PAK3: variants seen among roughly 807,000 people sequenced by gnomAD.
The protein encoded by PAK3 is p21 (RAC1) activated kinase 3, also known as serine/threonine-protein kinase PAK 3.
In PAK3, 4 loss-of-function variants were observed where a neutral mutation model predicts 41.0. That is an observed-to-expected ratio of 0.10 (90% CI 0.05 to 0.22). The LOEUF is 0.22. Among genes scored for constraint, PAK3 ranks in the 10% least tolerant of loss-of-function variants. The pLI is 1.00. For synonymous variants in PAK3, 146 were observed against 139.6 expected (o/e 1.05, Z -0.32); for missense variants, 205 against 409.9 (o/e 0.50, Z 4.32).
intron 1 of PAK3, among the ~76,000 whole-genome samples, chrX:111,023,575 A>T (rs772811606): frequency 4.5e-5 from 5 of 111,904 alleles, no homozygotes; most frequent in African/African-American, 1.6e-4. Context: ...CTTTTTAATG[A>T]TTGCCATTCT....
At chrX:111,183,929 C>A (rs913300009) in intron 11 of PAK3, among the ~76,000 whole-genome samples, 4 of 111,369 alleles carry the variant, frequency 3.6e-5, no homozygotes, top group Non-Finnish European at 7.5e-5. Flanking sequence ...GTTGAGAAAT[C>A]TGTTGGTTTA....
At chrX:110,992,208 G>C (rs1478305669) in intron 1 of PAK3, among the ~76,000 whole-genome samples, 2 of 111,003 alleles carry the variant, frequency 1.8e-5, no homozygotes, top group Non-Finnish European at 3.8e-5. Context: ...TGGGAGCAGA[G>C]AGAACAGGAA....
At chrX:111,095,187 A>G (rs1480426200), upstream of PAK3, among the ~76,000 whole-genome samples, 2 of 112,108 alleles carry the variant, frequency 1.8e-5, no homozygotes, top group African/African-American at 3.2e-5. Flanking sequence ...GGATATATTT[A>G]TCTTTATGAA....
intron 1 of PAK3, among the ~76,000 whole-genome samples, chrX:111,015,475 T>A (rs573891231): frequency 4.5e-5 from 5 of 111,559 alleles, no homozygotes; most frequent in African/African-American, 1.6e-4. Flanking sequence ...GATGTAAAAT[T>A]GCTGTATCAT....
At position 111,192,507 on chromosome X, in the gene PAK3, T is replaced by C. The variant is rs1206499470; in HGVS notation, c.881T>C (p.Val294Ala). 4 of 1,025,289 alleles carry C rather than the reference T, an allele frequency of 3.9e-6. No individual in the cohort carries two copies. Among genetic ancestry groups the C allele is most frequent in the Non-Finnish European group, 5.5e-6 (4 of 726,951 alleles). 84.5% of individuals were successfully genotyped at this position (1,025,289 alleles called of 1,213,427 possible). A position where few individuals can be genotyped will look rare whatever the true frequency, so the allele number is the denominator to read the frequency against. ...TCTTGTATTTTAATTGCCATTCAGG[T>C]GGCCATAAAGCAGATGAACCTTCAA... The part of the protein sequence containing the change: ...TALDIATGQE[V>A]AIKQMNLQQQ... The change falls in exon 13 of 18, where the codon GTG (valine) becomes GCG (alanine). Residue 294 changes from valine (V) to alanine (A), a missense_variant and splice_region_variant. Around this residue, in one of 5 missense-constraint regions of PAK3, gnomAD observed 42 missense variants for 152.7 expected, o/e 0.28. Transcript: ENST00000372007.
At chrX:111,047,738 A>G (rs1167435170) in intron 1 of PAK3, among the ~76,000 whole-genome samples, 2 of 111,551 alleles carry the variant, frequency 1.8e-5, no homozygotes, top group South Asian at 7.6e-4. Context: ...GGGGAATTTT[A>G]GAGCAGGGGA....
At chrX:111,090,136 T>A (rs1208873697) in intron 1 of PAK3, among the ~76,000 whole-genome samples, 1 of 110,864 alleles carries the variant, frequency 9.0e-6, no homozygotes, top group East Asian at 2.9e-4. Context: ...TCTCCCTCAA[T>A]CTCTCTTCAT....
At chrX:111,182,570 C>T (rs909560408) in intron 11 of PAK3, among the ~76,000 whole-genome samples, 1 of 110,579 alleles carries the variant, frequency 9.0e-6, no homozygotes, top group Non-Finnish European at 1.9e-5. Flanking sequence ...CAAAGGAAAA[C>T]GCCAGAACTC....
intron 6 of PAK3, among the ~76,000 whole-genome samples, chrX:111,146,799 T>C (rs1269536667): frequency 9.0e-6 from 1 of 111,706 alleles, no homozygotes; most frequent in Non-Finnish European, 1.9e-5. Flanking sequence ...TGTCTGTTTC[T>C]CTCTCCAAGT....
chrX:110,980,282 C>A (rs776546140), intron 1 of PAK3, among the ~76,000 whole-genome samples: 1 of 112,003 alleles, frequency 8.9e-6, no homozygotes, highest in East Asian at 2.8e-4. Flanking sequence ...GTTCCACCCA[C>A]ACTCAGAGGG....
chrX:111,116,916 A>G (rs1184187461), intron 4 of PAK3, among the ~76,000 whole-genome samples: 2 of 112,092 alleles, frequency 1.8e-5, no homozygotes, highest in African/African-American at 6.5e-5. Context: ...CCTGCCTAAC[A>G]AGTAGCTCAG....
chrX:111,131,326 G>A (rs777017058), intron 5 of PAK3, among the ~76,000 whole-genome samples: 45 of 111,450 alleles, frequency 4.0e-4, no homozygotes, highest in Non-Finnish European at 7.5e-4. Context: ...TATTTGGGCC[G>A]TCTTACTCAT....
At chrX:111,160,738 T>G (rs1373881191) in intron 8 of PAK3, among the ~76,000 whole-genome samples, 1 of 111,594 alleles carries the variant, frequency 9.0e-6, no homozygotes, top group Admixed American at 9.5e-5. Flanking sequence ...GTCCTTGTGA[T>G]AGTTTGCTGA....
At chrX:111,081,049 G>T (rs2092830384) in intron 1 of PAK3, among the ~76,000 whole-genome samples, 1 of 111,795 alleles carries the variant, frequency 8.9e-6, no homozygotes, top group Non-Finnish European at 1.9e-5. Flanking sequence ...CTCAGAAGCA[G>T]AAAGTAGAAT....
At chrX:110,951,747 C>G (rs941154606) in intron 1 of PAK3, among the ~76,000 whole-genome samples, 1 of 112,604 alleles carries the variant, frequency 8.9e-6, no homozygotes, top group African/African-American at 3.2e-5. Flanking sequence ...TCATTTCCAA[C>G]TAGAACTGTG....
At chrX:111,072,353 A>T in intron 1 of PAK3, among the ~76,000 whole-genome samples, 1 of 112,942 alleles carries the variant, frequency 8.9e-6, no homozygotes, top group Non-Finnish European at 1.9e-5. Flanking sequence ...CCGGTAATCA[A>T]TCACATCAAT....
intron 3 of PAK3, among the ~76,000 whole-genome samples, chrX:111,100,944 A>C (rs1054120512): frequency 9.8e-5 from 11 of 112,190 alleles, no homozygotes. Flanking sequence ...TAGGCACACA[A>C]TGCCCACAAC....
At chrX:111,171,340 T>C (rs1408917118) in intron 10 of PAK3, among the ~76,000 whole-genome samples, 1 of 111,290 alleles carries the variant, frequency 9.0e-6, no homozygotes, top group Non-Finnish European at 1.9e-5. Flanking sequence ...TACTGACATG[T>C]TTGCTTCCAG....
chrX:110,997,823 G>A (rs1224637071), intron 1 of PAK3, among the ~76,000 whole-genome samples: 1 of 110,536 alleles, frequency 9.0e-6, no homozygotes, highest in Non-Finnish European at 1.9e-5. Flanking sequence ...GAGCCTCTAC[G>A]AATGGAAGGG....
Sources: gnomAD v4.1 joint callset for allele counts (sites outside exome capture counted in the v4.1 genomes callset) on GRCh38, gnomAD v4.1.1 for gene constraint, gnomAD v4.1.1 regional missense constraint, MANE v1.5 for transcripts, NCBI Gene and HGNC (gene_info 2026-07-23, HGNC 2026-07-21) for gene names.